The following ROBO3 variants were observed in gnomAD, a reference collection of about 807,000 sequenced individuals.
The protein encoded by ROBO3 is roundabout guidance receptor 3, also known as roundabout homolog 3.
Under a neutral mutation model 160.5 loss-of-function variants are expected in ROBO3, and 97 were observed. The observed-to-expected ratio is 0.60, with a 90% CI of 0.51 to 0.72. ROBO3 has a LOEUF of 0.72. Among genes scored for constraint, ROBO3 ranks in the 30% least tolerant of loss-of-function variants. The pLI is 0.00. For synonymous variants in ROBO3, 780 were observed against 746.2 expected (o/e 1.05, Z -0.74); for missense variants, 1,858 against 1,846.5 (o/e 1.01, Z -0.11).
chr11:124,873,930 T>C lies in ROBO3; in HGVS notation c.1784+68T>C. ...AGGGGATCCTATGCCCTTAGGGTCTTTGCTATTGTGAGGTGGGATTCTCCA... is the reference window on the plus strand; with the variant it reads ...AGGGGATCCTATGCCCTTAGGGTCTCTGCTATTGTGAGGTGGGATTCTCCA... On this transcript the variant is annotated intron_variant, in intron 11 of 27. Coordinates refer to ENST00000397801, the MANE Select transcript of ROBO3 (RefSeq NM_022370.4). This position sits in a 1 kb window ranked among gnomAD's most constrained non-coding sequence, Gnocchi z 4.5. 8 of 1,599,772 alleles carry C rather than the reference T, an allele frequency of 5.0e-6. No homozygotes were observed. The highest frequency in any genetic ancestry group is 6.0e-6 in the Non-Finnish European group (7 of 1,168,774).
rs2135324680 is a variant in ROBO3, at chr11:124,869,004, C to T, written c.363C>T (p.Gly121=). ...CGCACCGCCTGCTGCTGCCCAGCGGCGCCCTCTTCTTCCCGCGCATCGTGC... is the reference window on the plus strand; with the variant it reads ...CGCACCGCCTGCTGCTGCCCAGCGGTGCCCTCTTCTTCCCGCGCATCGTGC... ...PRAHRLLLPS[G]ALFFPRIVHG... The change falls in exon 2 of 28, where the codon GGC becomes GGT. Residue 121 remains glycine, a synonymous_variant. Coordinates refer to ENST00000397801, the MANE Select transcript of ROBO3 (RefSeq NM_022370.4). The surrounding 1 kb of genome is among the most constrained non-coding windows in gnomAD (Gnocchi z 4.2). 2.5e-6 allele frequency: 4 copies of T among 1,600,018 alleles called. No individual in the cohort carries two copies. The highest frequency in any genetic ancestry group is 2.6e-6 in the Non-Finnish European group (3 of 1,174,204).
At chr11:124,874,333 C>A (rs1389934077) in intron 12 of ROBO3, 97 bp downstream of exon 12, 2 of 1,154,606 alleles carry the variant, frequency 1.7e-6, no homozygotes, top group Non-Finnish European at 2.4e-6. Flanking sequence ...TCATACAGTT[C>A]TTTCCTGCTA....
Position 124,865,792 on chromosome 11 carries a change from G to A in ROBO3, c.160+55G>A. The A allele has an allele frequency of 6.6e-7, 1 of 1,525,832 alleles. No homozygotes were observed. Among genetic ancestry groups the A allele is most frequent in the South Asian group, 1.2e-5 (1 of 81,262 alleles). The allele number at this position is 1,525,832 out of a possible 1,614,324, so 94.5% of individuals were successfully genotyped here. On this transcript the variant is annotated intron_variant, in intron 1 of 27. Transcript: ENST00000397801. This position sits in a 1 kb window ranked among gnomAD's most constrained non-coding sequence, Gnocchi z 5.5. ...TCCTGGGATGGGGATGAGGTGAGAG[G>A]GCGGCGTGGAAGGGAAGGAGAAGCG...
intron 15 of ROBO3, 59 bp from the exon 16 acceptor site, chr11:124,875,895 T>C: frequency 6.4e-7 from 1 of 1,551,568 alleles, no homozygotes; most frequent in East Asian, 2.4e-5. Flanking sequence ...AGCCTTAAGT[T>C]TCCCGGTGAG....
In ROBO3 at chr11:124,872,979, G is replaced by GTCCGAT; in HGVS notation, c.1426_1427insTCCGAT (p.Gly476delinsValArgTrp). The GTCCGAT allele has an allele frequency of 2.5e-6, 4 of 1,613,686 alleles. No homozygotes were observed. Among genetic ancestry groups the GTCCGAT allele is most frequent in the Non-Finnish European group, 3.4e-6 (4 of 1,179,854 alleles). On this transcript the variant is annotated protein_altering_variant, in exon 9 of 28. Coordinates refer to ENST00000397801, the MANE Select transcript of ROBO3 (RefSeq NM_022370.4). This position sits in a 1 kb window ranked among gnomAD's most constrained non-coding sequence, Gnocchi z 4.3. ...CGTGTGGCTGCCCTGCAGAGTGACT[G>GTCCGAT]GGAACCCTCAACCCAGTGTCCGATG...
chr11:124,872,926 C>A lies in ROBO3; in HGVS notation c.1373C>A (p.Ala458Asp). The change falls in exon 9 of 28, where the codon GCC becomes GAC. Residue 458 changes from alanine (A) to aspartate (D), a missense_variant. By Grantham distance (126) the Ala-to-Asp change is moderately radical. Transcript: ENST00000397801. This position sits in a 1 kb window ranked among gnomAD's most constrained non-coding sequence, Gnocchi z 4.3. The part of the protein sequence containing the change: ...GLPPVILQGP[A>D]NQTLVLGSSV... Reference sequence around the variant, plus strand: ...CCTCCTGTCATCCTCCAGGGACCAGCCAATCAGACGCTGGTGCTTGGCTCC... The same window carrying A: ...CCTCCTGTCATCCTCCAGGGACCAGACAATCAGACGCTGGTGCTTGGCTCC... 1 of 1,611,748 alleles carries A rather than the reference C, an allele frequency of 6.2e-7. No individual in the cohort carries two copies. The highest frequency in any genetic ancestry group is 8.5e-7 in the Non-Finnish European group (1 of 1,179,344).
chr11:124,871,244 G>A (rs1946277094), intron 7 of ROBO3, 106 bp downstream of exon 7: 1 of 1,360,004 alleles, frequency 7.4e-7, no homozygotes, highest in Non-Finnish European at 9.8e-7. Flanking sequence ...TTTTATCTTT[G>A]GGAGCCCCCA....
chr11:124,874,063 G>T lies in ROBO3; in HGVS notation c.1785-7G>T. On this transcript the variant is annotated splice_polypyrimidine_tract_variant and splice_region_variant and intron_variant, in intron 11 of 27. Coordinates refer to ENST00000397801, the MANE Select transcript of ROBO3 (RefSeq NM_022370.4). ...TAGACAACCCTGTCATCTCCTTCTT[G>T]TTGTAGCCCAGCAGCTGGCAACACA... 1.2e-6 allele frequency: 2 copies of T among 1,613,778 alleles called. No individual in the cohort carries two copies. The highest frequency in any genetic ancestry group is 1.3e-5 in the African/African-American group (1 of 75,042).
Position 124,876,385 on chromosome 11 carries a change from G to T in ROBO3, c.2704G>T (p.Gly902Trp), listed in dbSNP as rs1039457878. The T allele has an allele frequency of 1.4e-6, 2 of 1,447,728 alleles. No individual in the cohort carries two copies. The highest frequency in any genetic ancestry group is 1.4e-5 in the South Asian group (1 of 71,774). 89.7% of individuals were successfully genotyped at this position (1,447,728 alleles called of 1,614,324 possible). ...AFLAGSGAAC[G>W]ALLLGLCAAL... ...CCTCGCGGGCAGCGGCGCAGCCTGC[G>T]GGGCGCTGCTTCTCGGGCTCTGCGC... Residue 902 changes from glycine (G) to tryptophan (W), a missense_variant, in exon 17 of 28, where the codon GGG becomes TGG. Gly to Trp is a radical substitution (Grantham distance 184). Transcript: ENST00000397801. This position sits in a 1 kb window ranked among gnomAD's most constrained non-coding sequence, Gnocchi z 5.3.
Position 124,868,529 on chromosome 11 carries a change from A to C in ROBO3, c.161-273A>C. On this transcript the variant is annotated intron_variant, in intron 1 of 27. Coordinates refer to ENST00000397801, the MANE Select transcript of ROBO3 (RefSeq NM_022370.4). The stretch of plus-strand genomic sequence containing the variant: ...GGCAGGAGAGGAGACGGAGGTCTCT[A>C]GGTGGTCCAGAAAGCCGGCCTAGAA... 2.5e-5 allele frequency: 15 copies of C among 607,934 alleles called. No individual in the cohort carries two copies. In the Admixed American group the frequency reaches 2.5e-4, roughly 10 times the overall value. The allele number at this position is 607,934 out of a possible 1,614,324, so 37.7% of individuals were successfully genotyped here.
chr11:124,867,237 T>G (rs1382813945), intron 1 of ROBO3, among the ~76,000 whole-genome samples: 4 of 152,114 alleles, frequency 2.6e-5, no homozygotes, highest in East Asian at 1.9e-4. Flanking sequence ...CAAGATAAGG[T>G]GCATATGCTG....
In ROBO3 at chr11:124,870,251, C is replaced by T. The variant is rs373314132; in HGVS notation, c.853C>T (p.Pro285Ser). 3 of 1,613,890 alleles carry T rather than the reference C, an allele frequency of 1.9e-6. No homozygotes were observed. The East Asian group carries it at 6.7e-5, about 36-fold the overall frequency. ...TTTCCTATGTGAGGTGAAGGGGGAT[C>T]CCCCACCTCGTCTACGCTGGCGCAA... is the stretch of plus-strand genomic sequence containing the variant. ...VTFLCEVKGD[P>S]PPRLRWRKED... Residue 285 changes from proline (P) to serine (S), a missense_variant, in exon 5 of 28, where the codon CCC becomes TCC. Transcript: ENST00000397801.
chr11:124,866,534 C>CA (rs1383741312), intron 1 of ROBO3, among the ~76,000 whole-genome samples: 2 of 152,346 alleles, frequency 1.3e-5, no homozygotes, highest in African/African-American at 4.8e-5. Context: ...ACGCGGTCCC[C>CA]ATCCCTCTGC....
Position 124,869,624 on chromosome 11 carries a change from G to T in ROBO3, c.645+17G>T. On this transcript the variant is annotated intron_variant, in intron 3 of 27. Coordinates refer to ENST00000397801, the MANE Select transcript of ROBO3 (RefSeq NM_022370.4). The surrounding 1 kb of genome is among the most constrained non-coding windows in gnomAD (Gnocchi z 4.2). The stretch of plus-strand genomic sequence containing the variant: ...AGGATCACGGTGAGGGCGGGATTAT[G>T]ATTGGAGACCCCAACAAGGGAGGGG... The T allele has an allele frequency of 6.4e-7, 1 of 1,550,724 alleles. No homozygotes were observed. The highest frequency in any genetic ancestry group is 8.7e-7 in the Non-Finnish European group (1 of 1,145,816).
chr11:124,876,749 G>C lies in ROBO3; in HGVS notation c.2779+289G>C. Reference sequence around the variant, plus strand: ...CTCCATAAAGAAGGGGCAAGTTCGAGGACGGAAAGCCCACTCAAAGGGCGG... The same window carrying C: ...CTCCATAAAGAAGGGGCAAGTTCGACGACGGAAAGCCCACTCAAAGGGCGG... On this transcript the variant is annotated intron_variant, in intron 17 of 27. Coordinates refer to ENST00000397801, the MANE Select transcript of ROBO3 (RefSeq NM_022370.4). This position sits in a 1 kb window ranked among gnomAD's most constrained non-coding sequence, Gnocchi z 5.3. 1 of 326,558 alleles carries C rather than the reference G, an allele frequency of 3.1e-6. No individual in the cohort carries two copies. Among genetic ancestry groups the C allele is most frequent in the Non-Finnish European group, 5.6e-6 (1 of 178,520 alleles). The allele number at this position is 326,558 out of a possible 1,614,324, so 20.2% of individuals were successfully genotyped here.
At position 124,877,573 on chromosome 11, in the gene ROBO3, C is replaced by T; in HGVS notation, c.2901C>T (p.Pro967=). 1 of 1,603,090 alleles carries T rather than the reference C, an allele frequency of 6.2e-7. No homozygotes were observed. The highest frequency in any genetic ancestry group is 8.5e-7 in the Non-Finnish European group (1 of 1,175,378). The change falls in exon 20 of 28, where the codon CCC becomes CCT. Residue 967 remains proline (P), a synonymous_variant. Coordinates refer to ENST00000397801, the MANE Select transcript of ROBO3 (RefSeq NM_022370.4). Reference sequence around the variant, plus strand: ...ACTCATGGCTGGCAGATTCGTGGCCCCACCCATCTCGAAGCCCCTCGGCCC... The same window carrying T: ...ACTCATGGCTGGCAGATTCGTGGCCTCACCCATCTCGAAGCCCCTCGGCCC... The part of the protein sequence containing the change: ...APYSWLADSW[P]HPSRSPSAQE...
At chr11:124,868,010 G>T (rs148119923) in intron 1 of ROBO3, among the ~76,000 whole-genome samples, 2 of 152,296 alleles carry the variant, frequency 1.3e-5, no homozygotes, top group Non-Finnish European at 2.9e-5. Flanking sequence ...CCAAGTGACA[G>T]GTAGGACAGA....
rs778522624 is a variant in ROBO3, at chr11:124,874,884, C to T, written c.2048C>T (p.Pro683Leu). 1.0e-4 allele frequency: 164 copies of T among 1,602,812 alleles called. No homozygotes were observed. Among genetic ancestry groups the T allele is most frequent in the Non-Finnish European group, 1.4e-4 (161 of 1,175,002 alleles). ...CTGCAGGAGCCCATAGTCCTGGGAC[C>T]CCGGACCCTGCAGGTGTCCTGGACT... ...VRLQEPIVLG[P>L]RTLQVSWTVD... Residue 683 changes from proline to leucine, a missense_variant, in exon 13 of 28, where the codon CCC becomes CTC. Physicochemically the swap from Pro to Leu is moderately conservative, Grantham distance 98 (BLOSUM62 -3). Coordinates refer to ENST00000397801, the MANE Select transcript of ROBO3 (RefSeq NM_022370.4).
chr11:124,876,873 A>C lies in ROBO3; in HGVS notation c.2780-288A>C. 1 of 574,208 alleles carries C rather than the reference A, an allele frequency of 1.7e-6. No homozygotes were observed. The highest frequency in any genetic ancestry group is 3.1e-6 in the Non-Finnish European group (1 of 323,172). The allele number at this position is 574,208 out of a possible 1,614,324, so 35.6% of individuals were successfully genotyped here. A position where few individuals can be genotyped will look rare whatever the true frequency, so the allele number is the denominator to read the frequency against. On this transcript the variant is annotated intron_variant, in intron 17 of 27. Coordinates refer to ENST00000397801, the MANE Select transcript of ROBO3 (RefSeq NM_022370.4). This position sits in a 1 kb window ranked among gnomAD's most constrained non-coding sequence, Gnocchi z 5.3. ...AGGCGGGGCCCGCTGAAAGAAGGCG[A>C]TCCGAGTTCTGCTACTTCCTAGTAA...
Sources: allele counts gnomAD v4.1 joint callset (sites outside exome capture counted in the v4.1 genomes callset), GRCh38; gene constraint gnomAD v4.1.1; non-coding constraint Gnocchi (gnomAD v3.1); transcripts MANE v1.5; gene names NCBI Gene and HGNC (gene_info 2026-07-23, HGNC 2026-07-21).